STK10: variants seen among roughly 807,000 people sequenced by gnomAD.
The protein encoded by STK10 is serine/threonine-protein kinase 10.
In STK10, 78 loss-of-function variants were observed where a neutral mutation model predicts 113.8. The ratio of observed to expected loss-of-function variants is 0.69; its 90% CI spans 0.57 to 0.83. The LOEUF (loss-of-function observed/expected upper bound fraction) is 0.83, where lower values mean the gene tolerates loss of function less well. Among genes scored for constraint, STK10 ranks in the 40% least tolerant of loss-of-function variants. The pLI is 0.00. For synonymous variants in STK10, 465 were observed against 494.7 expected (o/e 0.94, Z 0.80); for missense variants, 1,109 against 1,280.1 (o/e 0.87, Z 2.04).
At chr5:172,050,407 T>A (rs1463064027) in intron 18 of STK10, among the ~76,000 whole-genome samples, 1 of 152,074 alleles carries the variant, frequency 6.6e-6, no homozygotes, top group East Asian at 1.9e-4. Context: ...AAAAAACAAC[T>A]CACAACTGGG....
At chr5:172,125,664 C>T (rs868109900) in intron 3 of STK10, among the ~76,000 whole-genome samples, 24 of 152,306 alleles carry the variant, frequency 1.6e-4, no homozygotes, top group South Asian at 1.0e-3. Flanking sequence ...GGACTACAGG[C>T]GTGAGCCACC....
chr5:172,158,295 T>G (rs553065579), intron 1 of STK10, among the ~76,000 whole-genome samples: 1 of 149,872 alleles, frequency 6.7e-6, no homozygotes, highest in Non-Finnish European at 1.5e-5. Flanking sequence ...AAAAAAAAGC[T>G]CAAAGCAAGG....
chr5:172,179,290 T>C (rs1195067377), intron 1 of STK10, among the ~76,000 whole-genome samples: 1 of 152,146 alleles, frequency 6.6e-6, no homozygotes, highest in Non-Finnish European at 1.5e-5. Context: ...GGGGTTCAAA[T>C]AGGGCCAGGA....
At chr5:172,172,249 C>T (rs146223979) in intron 1 of STK10, among the ~76,000 whole-genome samples, 19 of 152,306 alleles carry the variant, frequency 1.2e-4, no homozygotes, top group Admixed American at 2.6e-4. Context: ...TCTTCCCCAA[C>T]GTCATCTCCA....
intron 3 of STK10, among the ~76,000 whole-genome samples, chr5:172,124,506 A>G (rs569343050): frequency 1.3e-5 from 2 of 152,308 alleles, no homozygotes; most frequent in African/African-American, 4.8e-5. Flanking sequence ...AACATGTGCC[A>G]TGTATCCTCC....
chr5:172,174,927 A>G (rs913566159), intron 1 of STK10, among the ~76,000 whole-genome samples: 4 of 152,216 alleles, frequency 2.6e-5, no homozygotes. Context: ...GTGCATTGGT[A>G]AAGTCCCTCC....
chr5:172,108,157 T>A (rs1769157789), intron 4 of STK10: 1 of 243,764 alleles, frequency 4.1e-6, no homozygotes, highest in South Asian at 1.1e-4. Flanking sequence ...TCCAGGACTC[T>A]GCCCTAATGA....
intron 7 of STK10, among the ~76,000 whole-genome samples, chr5:172,097,520 TC>T (rs1203004444): frequency 6.6e-6 from 1 of 152,224 alleles, no homozygotes; most frequent in Non-Finnish European, 1.5e-5. Flanking sequence ...GTGCAGTCTT[TC>T]GCGTTGGCTT....
intron 2 of STK10, among the ~76,000 whole-genome samples, chr5:172,151,358 T>A (rs984874934): frequency 1.3e-5 from 2 of 151,838 alleles, no homozygotes; most frequent in African/African-American, 2.4e-5. Flanking sequence ...TTTTTTTTTT[T>A]AATTGAGTCA....
At chr5:172,103,966 G>A (rs551894319) in intron 7 of STK10, among the ~76,000 whole-genome samples, 49 of 152,298 alleles carry the variant, frequency 3.2e-4, no homozygotes, top group African/African-American at 1.2e-3. Flanking sequence ...GTAAATGGCA[G>A]AGCTGTCGAA....
chr5:172,094,037 A>C (rs1768790641), intron 8 of STK10, 77 bp from the exon 9 acceptor site: 1 of 1,155,848 alleles, frequency 8.7e-7, no homozygotes, highest in Non-Finnish European at 1.1e-6. Context: ...GCAGTGGAGA[A>C]AGTCAGACAC....
chr5:172,168,785 C>T (rs1424987423), intron 1 of STK10, among the ~76,000 whole-genome samples: 1 of 152,174 alleles, frequency 6.6e-6, no homozygotes, highest in Non-Finnish European at 1.5e-5. Flanking sequence ...GTGCTCTGTG[C>T]CCTCAGCAGC....
intron 4 of STK10, among the ~76,000 whole-genome samples, chr5:172,113,142 G>A (rs1415344254): frequency 6.6e-6 from 1 of 152,124 alleles, no homozygotes; most frequent in African/African-American, 2.4e-5. Context: ...TGGTTTTGTG[G>A]GTTTTTTTGT....
intron 1 of STK10, among the ~76,000 whole-genome samples, chr5:172,184,672 G>A (rs527247031): frequency 7.2e-5 from 11 of 152,096 alleles, no homozygotes; most frequent in Non-Finnish European, 1.2e-4. Context: ...TTGTTTTTGA[G>A]ACAGAGTCTC....
intron 1 of STK10, among the ~76,000 whole-genome samples, chr5:172,157,512 C>T (rs1770375656): frequency 6.6e-6 from 1 of 152,128 alleles, no homozygotes; most frequent in Non-Finnish European, 1.5e-5. Context: ...GCAGAGACCA[C>T]ACCATTGCAC....
intron 5 of STK10, 92 bp downstream of exon 5, chr5:172,107,688 C>G: frequency 7.5e-7 from 1 of 1,339,930 alleles, no homozygotes; most frequent in East Asian, 2.4e-5. Context: ...TAGCCCTTGT[C>G]TTCCGGCCCC....
chr5:172,047,352 G>A (rs1475702020), intron 18 of STK10, among the ~76,000 whole-genome samples: 1 of 152,174 alleles, frequency 6.6e-6, no homozygotes, highest in African/African-American at 2.4e-5. Flanking sequence ...ATAGCTAGAG[G>A]AAACGCGATC....
chr5:172,096,641 G>C, intron 7 of STK10, 81 bp from the exon 8 acceptor site: 1 of 1,566,850 alleles, frequency 6.4e-7, no homozygotes, highest in Non-Finnish European at 8.7e-7. Flanking sequence ...CTCACCCCCG[G>C]GGCAGAAAAG....
chr5:172,146,580 G>A (rs561793978), intron 2 of STK10, among the ~76,000 whole-genome samples: 2 of 152,178 alleles, frequency 1.3e-5, no homozygotes, highest in Admixed American at 6.5e-5. Flanking sequence ...TCACCTGGCC[G>A]GGGCAGGACA....
Sources: allele counts gnomAD v4.1 joint callset (sites outside exome capture counted in the v4.1 genomes callset), GRCh38; gene constraint gnomAD v4.1.1; transcripts MANE v1.5; gene names NCBI Gene and HGNC (gene_info 2026-07-23, HGNC 2026-07-21).